SNX29: variants seen among roughly 807,000 people sequenced by gnomAD.
The protein encoded by SNX29 is sorting nexin-29.
In SNX29, 78 loss-of-function variants were observed where a neutral mutation model predicts 102.1. That is an observed-to-expected ratio of 0.76 (90% CI 0.64 to 0.92). The LOEUF (loss-of-function observed/expected upper bound fraction) is 0.92. SNX29 is among the 40% of genes least tolerant of loss of function. The probability of loss-of-function intolerance (pLI) is 0.00; values close to 1 mark genes in which losing one functional copy is unlikely to be tolerated. For missense variants in SNX29, 1,280 were observed against 1,061.7 expected, an observed-to-expected ratio of 1.21 and a Z score of -2.86; for synonymous variants, 580 against 414.5, an observed-to-expected ratio of 1.40 and a Z score of -4.85.
intron 19 of SNX29, among the ~76,000 whole-genome samples, chr16:12,523,243 C>T (rs531427012): frequency 2.6e-3 from 389 of 152,290 alleles, no homozygotes; most frequent in African/African-American, 9.1e-3. Flanking sequence ...GACGAGTGCC[C>T]CACCTGATGT....
chr16:12,549,829 C>T (rs979782483), intron 20 of SNX29, among the ~76,000 whole-genome samples: 1 of 152,356 alleles, frequency 6.6e-6, no homozygotes, highest in East Asian at 1.9e-4. Flanking sequence ...GTGGCCAGGC[C>T]TTGCCTCCTT....
chr16:12,479,597 C>G (rs1023170280), intron 19 of SNX29, among the ~76,000 whole-genome samples: 2 of 152,144 alleles, frequency 1.3e-5, no homozygotes, highest in African/African-American at 4.8e-5. Flanking sequence ...TATACTTGTT[C>G]ATAGCAAAGA....
chr16:12,053,856 C>T (rs891824214), intron 8 of SNX29, among the ~76,000 whole-genome samples: 1 of 152,048 alleles, frequency 6.6e-6, no homozygotes, highest in African/African-American at 2.4e-5. Context: ...GTATCACCTC[C>T]ATTTTACAGA....
intron 18 of SNX29, among the ~76,000 whole-genome samples, chr16:12,419,853 C>T (rs771259834): frequency 4.6e-5 from 7 of 152,138 alleles, no homozygotes; most frequent in Admixed American, 1.3e-4. Flanking sequence ...AGCCATAGGT[C>T]GGTGGGAGAA....
chr16:12,421,803 A>G (rs1398524188), intron 18 of SNX29, among the ~76,000 whole-genome samples: 1 of 151,858 alleles, frequency 6.6e-6, no homozygotes, highest in Non-Finnish European at 1.5e-5. Context: ...AACCATCACC[A>G]TTATTAACCA....
chr16:12,221,547 G>C (rs554963890), intron 14 of SNX29, among the ~76,000 whole-genome samples: 2 of 152,306 alleles, frequency 1.3e-5, no homozygotes, highest in African/African-American at 4.8e-5. Flanking sequence ...CCGGGAGGTG[G>C]AGGTTGCAGT....
intron 20 of SNX29, among the ~76,000 whole-genome samples, chr16:12,532,031 C>T (rs1461485987): frequency 6.6e-6 from 1 of 152,064 alleles, no homozygotes; most frequent in African/African-American, 2.4e-5. Flanking sequence ...CAGGAGGTGT[C>T]ACCACATGGA....
intron 20 of SNX29, among the ~76,000 whole-genome samples, chr16:12,557,845 G>A (rs1158890936): frequency 6.6e-6 from 1 of 152,166 alleles, no homozygotes; most frequent in East Asian, 1.9e-4. Flanking sequence ...TCATCAATGT[G>A]ACATGACCAT....
At chr16:12,440,162 A>G (rs1380770437) in intron 18 of SNX29, among the ~76,000 whole-genome samples, 2 of 152,158 alleles carry the variant, frequency 1.3e-5, no homozygotes, top group Non-Finnish European at 2.9e-5. Flanking sequence ...CACCTGTCAC[A>G]TCCTCCCTCC....
chr16:12,551,993 T>TC (rs1365523989), intron 20 of SNX29, among the ~76,000 whole-genome samples: 1 of 152,150 alleles, frequency 6.6e-6, no homozygotes, highest in Non-Finnish European at 1.5e-5. Context: ...TCAAAGTAGC[T>TC]CCTGCTGGTC....
intron 16 of SNX29, among the ~76,000 whole-genome samples, chr16:12,385,903 C>T (rs1334998466): frequency 6.6e-6 from 1 of 152,212 alleles, no homozygotes; most frequent in Non-Finnish European, 1.5e-5. Context: ...GGGCTCAGGC[C>T]TCACCAGCTC....
chr16:12,468,525 C>T (rs2087182089), intron 18 of SNX29, among the ~76,000 whole-genome samples: 3 of 152,020 alleles, frequency 2.0e-5, no homozygotes, highest in Admixed American at 2.0e-4. Context: ...ACCCCACTCC[C>T]AGGCGTGGTG....
chr16:11,986,655 C>G (rs983979081), intron 1 of SNX29, among the ~76,000 whole-genome samples: 153 of 152,286 alleles, frequency 1.0e-3, no homozygotes, highest in African/African-American at 3.5e-3. Flanking sequence ...TGTACCGCAG[C>G]TATTTAACCT....
intron 18 of SNX29, among the ~76,000 whole-genome samples, chr16:12,444,842 G>T (rs200063205): frequency 4.0e-3 from 531 of 132,552 alleles, no homozygotes; most frequent in Middle Eastern, 0.015. Context: ...GTTTTTTTTT[G>T]TTTTTTTTTT....
chr16:12,425,880 C>A (rs1400968762), intron 18 of SNX29, among the ~76,000 whole-genome samples: 2 of 152,140 alleles, frequency 1.3e-5, no homozygotes, highest in Non-Finnish European at 2.9e-5. Context: ...ATAACCATTT[C>A]TGCTGTACCC....
intron 19 of SNX29, among the ~76,000 whole-genome samples, chr16:12,495,808 C>T (rs1007880315): frequency 6.6e-6 from 1 of 152,170 alleles, no homozygotes; most frequent in East Asian, 1.9e-4. Context: ...AATCCCAGCA[C>T]TTTGGGAGAC....
At chr16:12,091,038 AG>A (rs373619221) in intron 11 of SNX29, among the ~76,000 whole-genome samples, 10,059 of 89,362 alleles carry the variant, frequency 0.11, 838 homozygotes, top group East Asian at 0.17. Flanking sequence ...AAAAAAAAAA[AG>A]AAAGAAAAAG....
intron 1 of SNX29, among the ~76,000 whole-genome samples, chr16:11,981,515 T>C (rs2055414076): frequency 6.6e-6 from 1 of 152,220 alleles, no homozygotes; most frequent in African/African-American, 2.4e-5. Context: ...GAAACAGAGT[T>C]ATTTATCCCA....
chr16:12,002,866 C>A (rs768389047), intron 2 of SNX29, 125 bp from the exon 3 acceptor site: 4 of 1,025,520 alleles, frequency 3.9e-6, no homozygotes, highest in African/African-American at 3.2e-5. Flanking sequence ...GACGTCCTCA[C>A]TTGGCATGCA....
Sources: allele counts gnomAD v4.1 joint callset (sites outside exome capture counted in the v4.1 genomes callset), GRCh38; gene constraint gnomAD v4.1.1; transcripts MANE v1.5; gene names NCBI Gene and HGNC (gene_info 2026-07-23, HGNC 2026-07-21).